Variants in CDH13 observed in about 807,000 individuals in gnomAD.
The protein encoded by CDH13 is cadherin-13.
Under a neutral mutation model 63.8 loss-of-function variants are expected in CDH13, and 24 were observed. The ratio of observed to expected loss-of-function variants is 0.38; its 90% CI spans 0.27 to 0.53. The LOEUF is 0.53. CDH13 is among the 20% of genes least tolerant of loss of function. CDH13 has a pLI of 0.85. For synonymous variants in CDH13, 503 were observed against 355.3 expected, an observed-to-expected ratio of 1.42 and a Z score of -4.67; for missense variants, 1,049 against 903.1, an observed-to-expected ratio of 1.16 and a Z score of -2.07.
At chr16:83,213,471 C>T (rs963935289) in intron 4 of CDH13, among the ~76,000 whole-genome samples, 2 of 152,056 alleles carry the variant, frequency 1.3e-5, no homozygotes, top group Admixed American at 1.3e-4. Flanking sequence ...TTTTTCTGAG[C>T]AGAGAAGGGT....
Position 83,748,190 on chromosome 16 carries a change from C to G in CDH13, c.1621C>G (p.Arg541Gly), listed in dbSNP as rs372230844. 2.5e-6 allele frequency: 4 copies of G among 1,613,672 alleles called. No individual in the cohort carries two copies. The highest frequency in any genetic ancestry group is 1.3e-5 in the African/African-American group (1 of 74,918). The change falls in exon 11 of 14, where the codon CGT becomes GGT. Residue 541 changes from arginine to glycine, a missense_variant. Transcript: ENST00000567109. ...TGTTGACACCACAGCTGTGCTGGAC[C>G]GTGAGTCCCCATTTGTCGACAACAG... ...GTVDTTAVLD[R>G]ESPFVDNSVY...
At chr16:83,522,357 T>G (rs1222778449) in intron 7 of CDH13, among the ~76,000 whole-genome samples, 5 of 152,212 alleles carry the variant, frequency 3.3e-5, no homozygotes, top group Admixed American at 1.3e-4. Context: ...ATTTGTGTTA[T>G]GGACTGTCAA....
chr16:83,353,814 G>C (rs1300187834), intron 6 of CDH13, among the ~76,000 whole-genome samples: 1 of 152,162 alleles, frequency 6.6e-6, no homozygotes, highest in Non-Finnish European at 1.5e-5. Context: ...GGGAGATGTG[G>C]CCCTTGGGTT....
intron 1 of CDH13, among the ~76,000 whole-genome samples, chr16:82,640,462 TA>T (rs1391507399): frequency 6.6e-6 from 1 of 152,172 alleles, no homozygotes; most frequent in Non-Finnish European, 1.5e-5. Context: ...ATCTAGTAAA[TA>T]GCTGGTTTCT....
intron 2 of CDH13, among the ~76,000 whole-genome samples, chr16:82,930,393 A>C (rs1025334723): frequency 6.6e-6 from 1 of 152,186 alleles, no homozygotes; most frequent in Non-Finnish European, 1.5e-5. Context: ...TGCACCAGGT[A>C]CTTTTCTAAG....
At chr16:83,421,459 A>T (rs942415509) in intron 6 of CDH13, among the ~76,000 whole-genome samples, 20 of 152,166 alleles carry the variant, frequency 1.3e-4, no homozygotes, top group African/African-American at 4.1e-4. Flanking sequence ...CTGCATGTTG[A>T]CTTCTTGTCC....
intron 6 of CDH13, among the ~76,000 whole-genome samples, chr16:83,483,914 G>C (rs926711159): frequency 4.6e-5 from 7 of 152,322 alleles, no homozygotes; most frequent in African/African-American, 1.4e-4. Context: ...GAGTCATGCT[G>C]TTCCTGCTGT....
chr16:83,350,901 C>T (rs935006578), intron 6 of CDH13, among the ~76,000 whole-genome samples: 4 of 152,142 alleles, frequency 2.6e-5, no homozygotes, highest in African/African-American at 7.2e-5. Context: ...TAAACACATC[C>T]AGCCATTCCA....
intron 5 of CDH13, among the ~76,000 whole-genome samples, chr16:83,221,666 G>C (rs544063666): frequency 2.7e-5 from 4 of 150,734 alleles, no homozygotes; most frequent in Non-Finnish European, 4.4e-5. Flanking sequence ...ACGGTGGGGG[G>C]GCGGTTGGGA....
At chr16:83,000,798 C>G (rs902095601) in intron 2 of CDH13, among the ~76,000 whole-genome samples, 1 of 152,058 alleles carries the variant, frequency 6.6e-6, no homozygotes, top group Non-Finnish European at 1.5e-5. Flanking sequence ...CCAAGATGAT[C>G]TCAATCTCCT....
intron 2 of CDH13, among the ~76,000 whole-genome samples, chr16:82,961,553 T>C (rs528491600): frequency 1.0e-5 from 1 of 99,378 alleles, no homozygotes; most frequent in Non-Finnish European, 1.9e-5. Flanking sequence ...CTTTTGTCCA[T>C]AAGAATAAGC....
intron 8 of CDH13, among the ~76,000 whole-genome samples, chr16:83,650,860 G>C (rs140542885): frequency 6.6e-6 from 1 of 152,044 alleles, no homozygotes; most frequent in Non-Finnish European, 1.5e-5. Context: ...ATTGCCTAAG[G>C]CCAGGAGTTC....
chr16:83,200,059 G>A (rs927236828), intron 4 of CDH13, among the ~76,000 whole-genome samples: 8 of 152,320 alleles, frequency 5.3e-5, no homozygotes, highest in Admixed American at 5.2e-4. Flanking sequence ...TCCCTGGACA[G>A]CGCCTCATTC....
At chr16:83,693,643 G>C (rs1905102849) in intron 10 of CDH13, among the ~76,000 whole-genome samples, 2 of 152,192 alleles carry the variant, frequency 1.3e-5, no homozygotes, top group Non-Finnish European at 2.9e-5. Flanking sequence ...GACAGTGCCA[G>C]TGAATGAATG....
At chr16:82,822,447 A>T (rs2038046522) in intron 1 of CDH13, among the ~76,000 whole-genome samples, 1 of 152,224 alleles carries the variant, frequency 6.6e-6, no homozygotes, top group Admixed American at 6.5e-5. Flanking sequence ...TTTTTTAAAA[A>T]ATAAAAGTTA....
At chr16:82,898,919 C>G (rs1019675122) in intron 2 of CDH13, among the ~76,000 whole-genome samples, 4 of 152,224 alleles carry the variant, frequency 2.6e-5, no homozygotes, top group Non-Finnish European at 4.4e-5. Context: ...TAACTTCACT[C>G]AGTATGTAGA....
intron 7 of CDH13, among the ~76,000 whole-genome samples, chr16:83,491,151 C>G (rs1451322310): frequency 1.3e-5 from 2 of 152,198 alleles, no homozygotes; most frequent in African/African-American, 4.8e-5. Context: ...ATCTGGTAAT[C>G]TAATTTATTC....
At chr16:83,655,328 A>T (rs1207273991) in intron 8 of CDH13, 3 of 152,118 alleles carry the variant, frequency 2.0e-5, no homozygotes, top group African/African-American at 7.2e-5. Context: ...GTTAGCAGTG[A>T]CCCTATCCCC....
intron 2 of CDH13, among the ~76,000 whole-genome samples, chr16:82,879,939 T>C (rs902972824): frequency 3.9e-5 from 5 of 128,830 alleles, no homozygotes; most frequent in Admixed American, 9.8e-5. Flanking sequence ...ATATATAATA[T>C]ATATTATAAC....
Sources: gnomAD v4.1 joint callset for allele counts (sites outside exome capture counted in the v4.1 genomes callset) on GRCh38, gnomAD v4.1.1 for gene constraint, MANE v1.5 for transcripts, NCBI Gene and HGNC (gene_info 2026-07-23, HGNC 2026-07-21) for gene names.